Variants in C8orf34 observed in about 807,000 individuals in gnomAD.
The protein encoded by C8orf34 is uncharacterized protein C8orf34.
Under a neutral mutation model 68.3 loss-of-function variants are expected in C8orf34, and 65 were observed. The ratio of observed to expected loss-of-function variants is 0.95; its 90% CI spans 0.78 to 1.17. The LOEUF (loss-of-function observed/expected upper bound fraction) is 1.17. Among genes scored for constraint, C8orf34 ranks in the 50% most tolerant of loss-of-function variants. The probability of loss-of-function intolerance (pLI) is 0.00; values close to 1 mark genes in which losing one functional copy is unlikely to be tolerated. For synonymous variants in C8orf34, 244 were observed against 241.2 expected, an observed-to-expected ratio of 1.01 and a Z score of -0.11; for missense variants, 664 against 655.4, an observed-to-expected ratio of 1.01 and a Z score of -0.14.
chr8:68,510,461 C>G lies in C8orf34; in HGVS notation c.766-11338C>G, dbSNP rs561784620. On this transcript the variant is annotated intron_variant, in intron 5 of 13. Coordinates refer to ENST00000518698, the MANE Select transcript of C8orf34 (RefSeq NM_052958.4). Reference sequence around the variant, plus strand: ...ACCCAGGTTTTTACATTAGCTATTCCTCTTGTTCTTTTGGAGCTGCCACCA... The same window carrying G: ...ACCCAGGTTTTTACATTAGCTATTCGTCTTGTTCTTTTGGAGCTGCCACCA... 3.4e-3 allele frequency among the ~76,000 whole-genome samples: 511 copies of G among 152,272 alleles called. 1 individual carries two copies. Among genetic ancestry groups the G allele is most frequent in the Non-Finnish European group, 5.5e-3 (374 of 68,026 alleles).
At chr8:68,619,164 A>G (rs1361959678) in intron 7 of C8orf34, among the ~76,000 whole-genome samples, 1 of 152,068 alleles carries the variant, frequency 6.6e-6, no homozygotes, top group Non-Finnish European at 1.5e-5. Context: ...CTCATTTACT[A>G]CAAATACAGA....
chr8:68,743,675 C>T (rs931703622), intron 10 of C8orf34, among the ~76,000 whole-genome samples: 4 of 152,200 alleles, frequency 2.6e-5, no homozygotes, highest in Admixed American at 1.3e-4. Context: ...GCTTTCCCGA[C>T]GGGCTTAAAA....
chr8:68,556,082 C>T (rs986605096), intron 7 of C8orf34, among the ~76,000 whole-genome samples: 5 of 151,916 alleles, frequency 3.3e-5, no homozygotes, highest in African/African-American at 7.3e-5. Flanking sequence ...CATACTAGTA[C>T]ATGAAATACA....
intron 10 of C8orf34, among the ~76,000 whole-genome samples, chr8:68,760,151 C>T (rs57043258): frequency 0.08 from 12,241 of 152,192 alleles, 540 homozygotes; most frequent in African/African-American, 0.1. Context: ...CATTACAACA[C>T]AGGCGGAGGA....
intron 5 of C8orf34, among the ~76,000 whole-genome samples, chr8:68,494,887 A>T (rs1388081602): frequency 6.6e-6 from 1 of 150,832 alleles, no homozygotes; most frequent in Non-Finnish European, 1.5e-5. Context: ...TATCTCAAAA[A>T]ATATATATCT....
chr8:68,347,162 G>T (rs1480743357), intron 1 of C8orf34, among the ~76,000 whole-genome samples: 1 of 151,656 alleles, frequency 6.6e-6, no homozygotes, highest in Non-Finnish European at 1.5e-5. Context: ...CTTTCTTTGT[G>T]TTCATAAGTT....
rs143586564 is a variant in C8orf34, at chr8:68,348,197, A to C, written c.327+16858A>C. Reference sequence around the variant, plus strand: ...CTGTATAGGGCTAGCCAGTTATCCCAGTACCATTTGTTGAATAGGGAGTTT... The same window carrying C: ...CTGTATAGGGCTAGCCAGTTATCCCCGTACCATTTGTTGAATAGGGAGTTT... On this transcript the variant is annotated intron_variant, in intron 1 of 13. Coordinates refer to ENST00000518698, the MANE Select transcript of C8orf34 (RefSeq NM_052958.4). Among the ~76,000 whole-genome samples the C allele has an allele frequency of 6.7e-3, 1,017 of 152,192 alleles. 11 individuals carry two copies. Among genetic ancestry groups the C allele is most frequent in the African/African-American group, 0.022 (904 of 41,546 alleles).
chr8:68,636,412 A>T (rs1585651239), intron 7 of C8orf34, among the ~76,000 whole-genome samples: 1 of 55,792 alleles, frequency 1.8e-5, no homozygotes, highest in African/African-American at 4.8e-5. Flanking sequence ...TGCCTCTACT[A>T]AAAAAAAAAA....
intron 12 of C8orf34, among the ~76,000 whole-genome samples, chr8:68,804,706 G>C (rs954138375): frequency 6.6e-6 from 1 of 152,132 alleles, no homozygotes; most frequent in African/African-American, 2.4e-5. Flanking sequence ...CTGAGCCGGG[G>C]AGGTCGATGC....
At chr8:68,720,840 G>A (rs1387143210) in intron 9 of C8orf34, among the ~76,000 whole-genome samples, 2 of 151,790 alleles carry the variant, frequency 1.3e-5, no homozygotes, top group Non-Finnish European at 1.5e-5. Context: ...TTCAATTCAG[G>A]CTAATTGCAA....
At chr8:68,419,218 C>T (rs1253454227) in intron 1 of C8orf34, among the ~76,000 whole-genome samples, 1 of 150,718 alleles carries the variant, frequency 6.6e-6, no homozygotes, top group Non-Finnish European at 1.5e-5. Context: ...CCAAAAAACA[C>T]ATGAAAAAAT....
chr8:68,785,689 AT>A (rs956037600), intron 11 of C8orf34, among the ~76,000 whole-genome samples: 74 of 151,816 alleles, frequency 4.9e-4, no homozygotes, highest in Non-Finnish European at 8.4e-4. Context: ...TTCCTAATTG[AT>A]TTTTTTTCAT....
Position 68,663,469 on chromosome 8 carries a change from T to G in C8orf34, c.1241+22958T>G, listed in dbSNP as rs368726707. On this transcript the variant is annotated intron_variant, in intron 8 of 13. Coordinates refer to ENST00000518698, the MANE Select transcript of C8orf34 (RefSeq NM_052958.4). ...TCTTGGTATCTCACTAAATCTTATC[T>G]AAAAAATCCCGGAGAAAAAATCCAG... Among the ~76,000 whole-genome samples, 20 of 152,290 alleles carry G rather than the reference T, an allele frequency of 1.3e-4. No individual in the cohort carries two copies. The East Asian group carries it at 1.7e-3, about 13-fold the overall frequency.
At chr8:68,651,115 C>T (rs1205597422) in intron 8 of C8orf34, among the ~76,000 whole-genome samples, 1 of 152,146 alleles carries the variant, frequency 6.6e-6, no homozygotes, top group Admixed American at 6.5e-5. Context: ...TATCGAGAGG[C>T]GGATTTCCTT....
chr8:68,735,286 G>T (rs563269271), intron 10 of C8orf34, among the ~76,000 whole-genome samples: 7 of 152,260 alleles, frequency 4.6e-5, no homozygotes, highest in African/African-American at 1.7e-4. Context: ...TGTAAGGTTT[G>T]CTTTGAACAT....
At chr8:68,424,163 C>T (rs1052569561) in intron 1 of C8orf34, among the ~76,000 whole-genome samples, 1 of 152,108 alleles carries the variant, frequency 6.6e-6, no homozygotes, top group African/African-American at 2.4e-5. Flanking sequence ...CAGGAATGGA[C>T]TTTAAGTCCC....
In C8orf34 at chr8:68,647,494, A is replaced by C. The variant is rs574655677; in HGVS notation, c.1241+6983A>C. ...TTATGCCAAAGAAATATCTGCAAAG[A>C]ATTCTTCTCATTCAGAGCCTGACTG... On this transcript the variant is annotated intron_variant, in intron 8 of 13. Transcript: ENST00000518698. 3.3e-5 allele frequency among the ~76,000 whole-genome samples: 5 copies of C among 152,316 alleles called. 1 individual carries two copies. The highest frequency in any genetic ancestry group is 1.2e-4 in the African/African-American group (5 of 41,582).
intron 3 of C8orf34, among the ~76,000 whole-genome samples, chr8:68,449,753 G>A (rs1193312823): frequency 3.3e-5 from 5 of 152,098 alleles, no homozygotes; most frequent in African/African-American, 1.2e-4. Flanking sequence ...TCATTTTGCT[G>A]GTGAAGACCC....
intron 10 of C8orf34, among the ~76,000 whole-genome samples, chr8:68,749,307 C>G (rs1041045384): frequency 6.6e-6 from 1 of 151,938 alleles, no homozygotes; most frequent in Admixed American, 6.6e-5. Context: ...TTAGAGGGTG[C>G]AGTGCACCAG....
Sources: allele counts gnomAD v4.1 joint callset (sites outside exome capture counted in the v4.1 genomes callset), GRCh38; gene constraint gnomAD v4.1.1; transcripts MANE v1.5; gene names NCBI Gene and HGNC (gene_info 2026-07-23, HGNC 2026-07-21).